Variants in ROBO2 observed in about 807,000 individuals in gnomAD.
ROBO2 encodes roundabout guidance receptor 2, also known as roundabout homolog 2.
Under a neutral mutation model 160.8 loss-of-function variants are expected in ROBO2, and 53 were observed. The ratio of observed to expected loss-of-function variants is 0.33; its 90% CI spans 0.26 to 0.41. The LOEUF is 0.41. Ranked by LOEUF, ROBO2 falls within the 10% of genes least tolerant of loss-of-function variation. The pLI is 1.00. For missense variants in ROBO2, 1,577 were observed against 1,722.4 expected (o/e 0.92, Z 1.49); for synonymous variants, 664 against 611.7 (o/e 1.09, Z -1.26).
At chr3:76,421,401 T>C (rs1420729200) in intron 2 of ROBO2, among the ~76,000 whole-genome samples, 1 of 151,912 alleles carries the variant, frequency 6.6e-6, no homozygotes, top group Non-Finnish European at 1.5e-5. Flanking sequence ...TTTCCAACAA[T>C]AATATTTTTT....
intron 2 of ROBO2, among the ~76,000 whole-genome samples, chr3:76,878,559 A>G (rs2073016063): frequency 6.6e-6 from 1 of 152,232 alleles, no homozygotes; most frequent in South Asian, 2.1e-4. Flanking sequence ...CCACAATGTC[A>G]TACTGAATAA....
At chr3:76,678,372 T>C (rs1408437186) in intron 2 of ROBO2, among the ~76,000 whole-genome samples, 2 of 152,152 alleles carry the variant, frequency 1.3e-5, no homozygotes, top group Non-Finnish European at 1.5e-5. Context: ...CTTTTTATAA[T>C]GAACTTGGTG....
chr3:76,721,004 A>G (rs996159439), intron 2 of ROBO2, among the ~76,000 whole-genome samples: 31 of 152,204 alleles, frequency 2.0e-4, no homozygotes, highest in African/African-American at 7.0e-4. Context: ...ACAAAACCCA[A>G]GATTTTTCAA....
chr3:77,292,906 C>G (rs1260710536), intron 2 of ROBO2, among the ~76,000 whole-genome samples: 1 of 149,456 alleles, frequency 6.7e-6, no homozygotes, highest in Non-Finnish European at 1.5e-5. Context: ...TAAGCTGAGG[C>G]TAGATCACCA....
chr3:76,250,521 G>T (rs1428000138), intron 2 of ROBO2, among the ~76,000 whole-genome samples: 1 of 151,972 alleles, frequency 6.6e-6, no homozygotes, highest in African/African-American at 2.4e-5. Context: ...AGTTTGGGTT[G>T]CCATATCTTT....
intron 2 of ROBO2, among the ~76,000 whole-genome samples, chr3:76,172,155 A>G (rs2073062522): frequency 1.3e-5 from 2 of 152,042 alleles, no homozygotes; most frequent in Non-Finnish European, 2.9e-5. Flanking sequence ...ATGTCCCTAC[A>G]AAGGAGATGA....
chr3:76,935,079 G>T (rs533674233), intron 2 of ROBO2, among the ~76,000 whole-genome samples: 1 of 151,662 alleles, frequency 6.6e-6, no homozygotes. Flanking sequence ...AGCCTCCTGA[G>T]TAACTAGGAC....
intron 2 of ROBO2, among the ~76,000 whole-genome samples, chr3:76,731,438 T>C (rs2093636223): frequency 6.6e-6 from 1 of 152,186 alleles, no homozygotes; most frequent in African/African-American, 2.4e-5. Context: ...ATTGTGACCA[T>C]ATCCCGCTTT....
chr3:77,551,972 G>A lies in ROBO2; in HGVS notation c.1231+983G>A, dbSNP rs115233296. Among the ~76,000 whole-genome samples the A allele has an allele frequency of 7.5e-3, 1,133 of 152,054 alleles. 9 individuals are homozygous for A. Among genetic ancestry groups the A allele is most frequent in the African/African-American group, 0.022 (896 of 41,502 alleles). ...GAATAAATAGAACAGACAAACATTG[G>A]CTGCAGGGACATTGAGTCGTTAATG... On this transcript the variant is annotated intron_variant, in intron 8 of 25. Transcript: ENST00000461745.
At chr3:76,155,148 A>G (rs1187049858) in intron 2 of ROBO2, among the ~76,000 whole-genome samples, 1 of 152,178 alleles carries the variant, frequency 6.6e-6, no homozygotes, top group Admixed American at 6.5e-5. Flanking sequence ...AATAAATGTC[A>G]AAATTAGAAT....
chr3:76,992,541 G>A (rs548193994), intron 2 of ROBO2, among the ~76,000 whole-genome samples: 34 of 151,584 alleles, frequency 2.2e-4, no homozygotes, highest in African/African-American at 5.8e-4. Flanking sequence ...TTCTCACTCC[G>A]TAATTTCGTG....
intron 1 of ROBO2, among the ~76,000 whole-genome samples, chr3:77,060,997 G>A (rs976605170): frequency 2.0e-5 from 3 of 151,900 alleles, no homozygotes; most frequent in African/African-American, 7.3e-5. Context: ...AGACAGTGGT[G>A]CAATCATAGC....
intron 2 of ROBO2, among the ~76,000 whole-genome samples, chr3:77,155,158 A>G (rs1367108786): frequency 6.6e-6 from 1 of 152,112 alleles, no homozygotes; most frequent in Non-Finnish European, 1.5e-5. Context: ...ACTGTGGTAT[A>G]TAGGAAGGCA....
At chr3:76,739,483 G>A (rs541356855) in intron 2 of ROBO2, among the ~76,000 whole-genome samples, 2 of 149,390 alleles carry the variant, frequency 1.3e-5, no homozygotes, top group African/African-American at 5.0e-5. Context: ...ACTGTTGTGG[G>A]GTTGGGGGAG....
intron 2 of ROBO2, among the ~76,000 whole-genome samples, chr3:77,310,566 A>G (rs1216624213): frequency 6.6e-6 from 1 of 152,150 alleles, no homozygotes; most frequent in East Asian, 1.9e-4. Flanking sequence ...AAAAAGAAAG[A>G]TATTAATTTC....
intron 2 of ROBO2, among the ~76,000 whole-genome samples, chr3:76,103,488 A>G (rs2069789771): frequency 6.6e-6 from 1 of 152,154 alleles, no homozygotes; most frequent in African/African-American, 2.4e-5. Flanking sequence ...CTTAAATGTG[A>G]AATGTTTGTT....
intron 2 of ROBO2, among the ~76,000 whole-genome samples, chr3:77,099,578 GC>G (rs2071622510): frequency 6.6e-6 from 1 of 152,076 alleles, no homozygotes; most frequent in Non-Finnish European, 1.5e-5. Flanking sequence ...ACTTCAAAAA[GC>G]CCTCAAATTA....
rs187048130 is a variant in ROBO2, at chr3:76,741,147, T to G, written c.110-356867T>G. On this transcript the variant is annotated intron_variant, in intron 2 of 26. Transcript: ENST00000487694. Reference sequence around the variant, plus strand: ...GGACTCGGTTTATAGGCTAACACATTTACAGAAACATCTGAAACATACTTA... The same window carrying G: ...GGACTCGGTTTATAGGCTAACACATGTACAGAAACATCTGAAACATACTTA... Among the ~76,000 whole-genome samples, 4 of 152,168 alleles carry G rather than the reference T, an allele frequency of 2.6e-5. No homozygotes were observed. In the East Asian group the frequency reaches 7.7e-4, roughly 29 times the overall value.
intron 2 of ROBO2, among the ~76,000 whole-genome samples, chr3:76,533,947 G>A (rs1249070227): frequency 6.6e-6 from 1 of 152,062 alleles, no homozygotes; most frequent in Non-Finnish European, 1.5e-5. Flanking sequence ...GTGGTTTTTC[G>A]GCTGCTGCAG....
Sources: allele counts gnomAD v4.1 joint callset (sites outside exome capture counted in the v4.1 genomes callset), GRCh38; gene constraint gnomAD v4.1.1; transcripts MANE v1.5; gene names NCBI Gene and HGNC (gene_info 2026-07-23, HGNC 2026-07-21).